FLVCR2: variants seen among roughly 807,000 people sequenced by gnomAD.
FLVCR2 encodes the protein FLVCR choline and putative heme transporter 2.
FLVCR2 carries 38 observed loss-of-function variants against 48.9 expected under a neutral mutation model. The observed-to-expected ratio is 0.78, with a 90% CI of 0.60 to 1.02. The LOEUF is 1.02. Among genes scored for constraint, FLVCR2 ranks in the 50% least tolerant of loss-of-function variants. FLVCR2 has a pLI of 0.00. For missense variants in FLVCR2, 664 were observed against 663.3 expected, an observed-to-expected ratio of 1.00 and a Z score of -0.01; for synonymous variants, 255 against 257.0, an observed-to-expected ratio of 0.99 and a Z score of 0.07.
intron 1 of FLVCR2, among the ~76,000 whole-genome samples, chr14:75,602,836 A>G (rs1351337291): frequency 6.6e-6 from 1 of 152,206 alleles, no homozygotes; most frequent in Admixed American, 6.5e-5. Context: ...ACAATTGTGT[A>G]TATTTAACCA....
chr14:75,592,362 T>C (rs1255954402), intron 1 of FLVCR2, among the ~76,000 whole-genome samples: 1 of 152,072 alleles, frequency 6.6e-6, no homozygotes, highest in Non-Finnish European at 1.5e-5. Flanking sequence ...AGGGCAGTGG[T>C]ATCCCACCAT....
Position 75,579,149 on chromosome 14 carries a change from C to A in FLVCR2, c.177C>A (p.Ala59=). The change falls in exon 1 of 10, where the codon GCC becomes GCA. Residue 59 remains alanine (A), a synonymous_variant. Transcript: ENST00000238667. ...PSSSAHPSAL[A]QPSGLAHPSS... ...GTTCGGCCCACCCCAGTGCCTTAGC[C>A]CAACCCAGTGGCTTGGCTCACCCCA... 1.2e-6 allele frequency: 2 copies of A among 1,614,204 alleles called. No homozygotes were observed. The highest frequency in any genetic ancestry group is 1.7e-6 in the Non-Finnish European group (2 of 1,180,046).
At chr14:75,634,655 T>A (rs1002945691) in intron 4 of FLVCR2, among the ~76,000 whole-genome samples, 2 of 152,218 alleles carry the variant, frequency 1.3e-5, no homozygotes, top group Non-Finnish European at 2.9e-5. Context: ...TGCCTAAAAG[T>A]AGTTCTAAGA....
intron 1 of FLVCR2, chr14:75,595,791 C>A: frequency 1.3e-6 from 1 of 767,028 alleles, no homozygotes; most frequent in South Asian, 1.4e-5. Flanking sequence ...ACAGATTACA[C>A]CATTGCAGCA....
At position 75,596,158 on chromosome 14, in the gene FLVCR2, G is replaced by C. The variant is rs899170751; in HGVS notation, c.669+16517G>C. The C allele has an allele frequency of 5.1e-6, 4 of 791,076 alleles. No homozygotes were observed. In the African/African-American group the frequency reaches 6.7e-5, roughly 13 times the overall value. The allele number at this position is 791,076 out of a possible 1,614,324, so 49.0% of individuals were successfully genotyped here. A position where few individuals can be genotyped will look rare whatever the true frequency, so the allele number is the denominator to read the frequency against. ...ATGACTGTTTGTTTCCTCTGAAGTC[G>C]TCGGTTGATCATGAACTTTCTAGTG... On this transcript the variant is annotated intron_variant, in intron 1 of 9. Transcript: ENST00000238667.
rs114465112 is a variant in FLVCR2 at position 75,621,013 on chromosome 14, G to A, written c.670-1066G>A. 2.1e-3 allele frequency among the ~76,000 whole-genome samples: 321 copies of A among 152,140 alleles called. 4 individuals carry two copies. The highest frequency in any genetic ancestry group is 7.1e-3 in the African/African-American group (296 of 41,480). ...GTTCACAAGCTATTTTCCCATTTCC[G>A]CCTCAATATTATGTGCAGCAGAAGG... On this transcript the variant is annotated intron_variant, in intron 1 of 9. Coordinates refer to ENST00000238667, the MANE Select transcript of FLVCR2 (RefSeq NM_017791.3).
intron 4 of FLVCR2, among the ~76,000 whole-genome samples, chr14:75,634,403 G>A (rs1000587000): frequency 6.6e-6 from 1 of 152,156 alleles, no homozygotes; most frequent in Non-Finnish European, 1.5e-5. Context: ...CTAACCTTAT[G>A]ATGGGGAATG....
chr14:75,619,679 G>C (rs1339708905), intron 1 of FLVCR2, among the ~76,000 whole-genome samples: 1 of 152,228 alleles, frequency 6.6e-6, no homozygotes, highest in African/African-American at 2.4e-5. Flanking sequence ...GGGCATAAAT[G>C]TACCTCCATA....
At chr14:75,606,778 C>T (rs972949190) in intron 1 of FLVCR2, among the ~76,000 whole-genome samples, 1 of 151,964 alleles carries the variant, frequency 6.6e-6, no homozygotes, top group Non-Finnish European at 1.5e-5. Context: ...ATGGAAAAAC[C>T]CCGTCTTTAC....
In FLVCR2 at chr14:75,592,711, G is replaced by A. The variant is rs181104465; in HGVS notation, c.669+13070G>A. 1.2e-4 allele frequency among the ~76,000 whole-genome samples: 18 copies of A among 152,230 alleles called. No homozygotes were observed. In the South Asian group the frequency reaches 1.5e-3, roughly 12 times the overall value. ...GCTTAGAAATTTTTCTGCCTAGGCCGGGCATGGTGGCTCATGCCTGTAATC... is the reference window on the plus strand; with the variant it reads ...GCTTAGAAATTTTTCTGCCTAGGCCAGGCATGGTGGCTCATGCCTGTAATC... On this transcript the variant is annotated intron_variant, in intron 1 of 9. Coordinates refer to ENST00000238667, the MANE Select transcript of FLVCR2 (RefSeq NM_017791.3).
chr14:75,645,050 G>A (rs1417033958), intron 9 of FLVCR2, among the ~76,000 whole-genome samples: 9 of 145,614 alleles, frequency 6.2e-5, no homozygotes, highest in African/African-American at 2.2e-4. Flanking sequence ...GTGTGTGTGT[G>A]TGTGTGTGTG....
At chr14:75,610,134 C>T (rs1173076477) in intron 1 of FLVCR2, among the ~76,000 whole-genome samples, 1 of 152,172 alleles carries the variant, frequency 6.6e-6, no homozygotes, top group African/African-American at 2.4e-5. Flanking sequence ...CTCATTTTTC[C>T]TCCTTCCTAG....
chr14:75,583,052 T>A (rs1456490429), intron 1 of FLVCR2, among the ~76,000 whole-genome samples: 2 of 152,130 alleles, frequency 1.3e-5, no homozygotes, highest in African/African-American at 4.8e-5. Flanking sequence ...ACAGCCCAGA[T>A]AAGTTGCTGA....
Position 75,633,560 on chromosome 14 carries a change from G to T in FLVCR2, c.953-69G>T, listed in dbSNP as rs150334666. On this transcript the variant is annotated intron_variant, in intron 3 of 9. Transcript: ENST00000238667. ...ATTTCTGCCCACCCCCCAAATGCTG[G>T]GGGAGAAGTTAGCAATGGCCCCAGA... 354 of 1,233,650 alleles carry T rather than the reference G, an allele frequency of 2.9e-4. 1 individual carries two copies. The African/African-American group carries it at 4.7e-3, about 16-fold the overall frequency. 76.4% of individuals were successfully genotyped at this position (1,233,650 alleles called of 1,614,324 possible).
chr14:75,641,931 C>T (rs367712471), intron 9 of FLVCR2, 33 bp downstream of exon 9: 25 of 1,601,692 alleles, frequency 1.6e-5, no homozygotes, highest in Admixed American at 3.3e-5. Context: ...GGGCTGAGAT[C>T]GGGGTCCAAG....
chr14:75,616,026 CAAAAAAAA>C (rs10629813), intron 1 of FLVCR2, among the ~76,000 whole-genome samples: 2 of 25,618 alleles, frequency 7.8e-5, no homozygotes, highest in Non-Finnish European at 1.3e-4. Context: ...GACTCCATCT[CAAAAAAAA>C]AAAAAAAAAA....
In FLVCR2 at chr14:75,646,527, C is replaced by T. The variant is rs373765196; in HGVS notation, c.*55C>T. On this transcript the variant is annotated 3_prime_UTR_variant, in exon 10 of 10. Transcript: ENST00000238667. Reference sequence around the variant, plus strand: ...GAACACCCCACCTTTTCCTTCAGCACAGCTCTCACCGCCAGCACAAAGGGC... The same window carrying T: ...GAACACCCCACCTTTTCCTTCAGCATAGCTCTCACCGCCAGCACAAAGGGC... 5.6e-6 allele frequency: 7 copies of T among 1,253,634 alleles called. No homozygotes were observed. Among genetic ancestry groups the T allele is most frequent in the South Asian group, 1.2e-5 (1 of 83,286 alleles). 77.7% of individuals were successfully genotyped at this position (1,253,634 alleles called of 1,614,324 possible).
At chr14:75,594,700 C>T (rs1030168807) in intron 1 of FLVCR2, among the ~76,000 whole-genome samples, 2 of 151,854 alleles carry the variant, frequency 1.3e-5, no homozygotes, top group Non-Finnish European at 2.9e-5. Flanking sequence ...TGAGTCCACT[C>T]CTGTAATAAT....
In FLVCR2 at chr14:75,579,078, C is replaced by T; in HGVS notation, c.106C>T (p.His36Tyr). ...SVSVHPSVSV[H>Y]PSVSINPSVS... is the part of the protein sequence containing the mutation. ...CTCGGTCCATCCCAGCGTCTCGGTC[C>T]ATCCCAGCGTCTCCATCAACCCCAG... Residue 36 changes from histidine (H) to tyrosine (Y), a missense_variant, in exon 1 of 10, where the codon CAT becomes TAT. Physicochemically the swap from His to Tyr is moderately conservative, Grantham distance 83. Coordinates refer to ENST00000238667, the MANE Select transcript of FLVCR2 (RefSeq NM_017791.3). The T allele has an allele frequency of 6.2e-7, 1 of 1,611,794 alleles. No homozygotes were observed. Among genetic ancestry groups the T allele is most frequent in the Non-Finnish European group, 8.5e-7 (1 of 1,178,178 alleles).
Sources: allele counts gnomAD v4.1 joint callset (sites outside exome capture counted in the v4.1 genomes callset), GRCh38; gene constraint gnomAD v4.1.1; transcripts MANE v1.5; gene names NCBI Gene and HGNC (gene_info 2026-07-23, HGNC 2026-07-21).